ROBO2: variants seen among roughly 807,000 people sequenced by gnomAD.
The protein encoded by ROBO2 is roundabout homolog 2.
In ROBO2, 53 loss-of-function variants were observed where a neutral mutation model predicts 160.8. The ratio of observed to expected loss-of-function variants is 0.33; its 90% CI spans 0.26 to 0.41. The LOEUF (loss-of-function observed/expected upper bound fraction) is 0.41, where lower values mean the gene tolerates loss of function less well. Among genes scored for constraint, ROBO2 ranks in the 10% least tolerant of loss-of-function variants. The pLI, the probability that ROBO2 is intolerant of heterozygous loss-of-function variation, is 1.00. For synonymous variants in ROBO2, 664 were observed against 611.7 expected, an observed-to-expected ratio of 1.09 and a Z score of -1.26; for missense variants, 1,577 against 1,722.4, an observed-to-expected ratio of 0.92 and a Z score of 1.49.
At chr3:77,462,757 T>C (rs1317643613) in intron 2 of ROBO2, among the ~76,000 whole-genome samples, 4 of 92,086 alleles carry the variant, frequency 4.3e-5, no homozygotes, top group Non-Finnish European at 9.8e-5. Flanking sequence ...TTCTTTACTT[T>C]CCAGTATTTT....
intron 2 of ROBO2, among the ~76,000 whole-genome samples, chr3:76,729,312 G>A (rs2093598891): frequency 6.6e-6 from 1 of 151,746 alleles, no homozygotes; most frequent in Non-Finnish European, 1.5e-5. Context: ...CAAATTCTAG[G>A]ATATAGTAAT....
In ROBO2 at chr3:77,500,869, G is replaced by A. The variant is rs368777937; in HGVS notation, c.806+7487G>A. Among the ~76,000 whole-genome samples, 122 of 152,286 alleles carry A rather than the reference G, an allele frequency of 8.0e-4. 1 individual carries two copies. The South Asian group carries it at 0.025, about 31-fold the overall frequency. Reference sequence around the variant, plus strand: ...TCAGCTTAGGAACAATGCTGGAACTGGCATCCAATTTGGGTTCTGGCCAGT... The same window carrying A: ...TCAGCTTAGGAACAATGCTGGAACTAGCATCCAATTTGGGTTCTGGCCAGT... On this transcript the variant is annotated intron_variant, in intron 5 of 25. Coordinates refer to ENST00000461745, the Ensembl canonical transcript of ROBO2.
intron 24 of ROBO2, among the ~76,000 whole-genome samples, chr3:77,637,698 G>A (rs1583444477): frequency 6.6e-6 from 1 of 152,076 alleles, no homozygotes. Context: ...TGAATATTGT[G>A]GAGAGAGAAA....
intron 2 of ROBO2, among the ~76,000 whole-genome samples, chr3:76,146,300 C>T (rs1426579458): frequency 2.0e-5 from 3 of 152,004 alleles, no homozygotes; most frequent in African/African-American, 7.2e-5. Context: ...TCACAATTTC[C>T]ATCCCTTTTG....
At chr3:77,044,318 A>T (rs1333410681) in intron 1 of ROBO2, among the ~76,000 whole-genome samples, 1 of 152,190 alleles carries the variant, frequency 6.6e-6, no homozygotes, top group Non-Finnish European at 1.5e-5. Flanking sequence ...AAGGGAGCTG[A>T]TGTATGTGGG....
At chr3:77,578,350 T>C (rs765269172) in intron 15 of ROBO2, among the ~76,000 whole-genome samples, 1 of 152,102 alleles carries the variant, frequency 6.6e-6, no homozygotes, top group Non-Finnish European at 1.5e-5. Flanking sequence ...AATTCAAAAC[T>C]ATAATTTATT....
intron 2 of ROBO2, among the ~76,000 whole-genome samples, chr3:77,145,157 A>G (rs115698585): frequency 0.017 from 2,587 of 152,276 alleles, 82 homozygotes; most frequent in African/African-American, 0.06. Context: ...AGTGACTAGT[A>G]TAGTTTAGCT....
At chr3:77,570,735 A>G (rs901382575) in intron 13 of ROBO2, among the ~76,000 whole-genome samples, 2 of 152,016 alleles carry the variant, frequency 1.3e-5, no homozygotes, top group Non-Finnish European at 2.9e-5. Flanking sequence ...TACTAAATGC[A>G]TGTGTTATTT....
intron 2 of ROBO2, among the ~76,000 whole-genome samples, chr3:76,750,909 T>C (rs1010844444): frequency 7.2e-5 from 11 of 152,146 alleles, no homozygotes; most frequent in African/African-American, 2.7e-4. Flanking sequence ...CCCATCAAGC[T>C]ATCAATGACT....
chr3:77,570,219 G>C (rs2153667370), intron 13 of ROBO2, among the ~76,000 whole-genome samples: 2 of 152,092 alleles, frequency 1.3e-5, no homozygotes, highest in Middle Eastern at 6.8e-3. Flanking sequence ...AAGTCTTTGG[G>C]TAAGAATCAA....
chr3:77,380,371 C>T (rs1423373276), intron 2 of ROBO2, among the ~76,000 whole-genome samples: 1 of 152,090 alleles, frequency 6.6e-6, no homozygotes, highest in East Asian at 1.9e-4. Context: ...AGCCTATTAT[C>T]GTTCCTCTCT....
intron 2 of ROBO2, among the ~76,000 whole-genome samples, chr3:76,704,036 CTA>C (rs754368426): frequency 7.3e-5 from 11 of 150,542 alleles, no homozygotes; most frequent in Non-Finnish European, 1.5e-4. Context: ...GGCATCTTTT[CTA>C]TGTCTTTGTA....
At chr3:77,014,499 G>A (rs1213808828) in intron 2 of ROBO2, among the ~76,000 whole-genome samples, 1 of 152,152 alleles carries the variant, frequency 6.6e-6, no homozygotes, top group Non-Finnish European at 1.5e-5. Context: ...ATGTCACGCC[G>A]ATCCCAGCAG....
chr3:77,491,583 T>C (rs1396773806), intron 4 of ROBO2, among the ~76,000 whole-genome samples: 1 of 152,206 alleles, frequency 6.6e-6, no homozygotes, highest in Non-Finnish European at 1.5e-5. Context: ...GCACATAGTG[T>C]ACAGAGTTGA....
chr3:76,729,686 G>A (rs930964732), intron 2 of ROBO2, among the ~76,000 whole-genome samples: 1 of 145,630 alleles, frequency 6.9e-6, no homozygotes, highest in Non-Finnish European at 1.5e-5. Flanking sequence ...TGCCCAGGTT[G>A]GAGCACAGTG....
At position 76,640,915 on chromosome 3, in the gene ROBO2, C is replaced by T. The variant is rs563489535; in HGVS notation, c.110-457099C>T. 9.2e-5 allele frequency among the ~76,000 whole-genome samples: 14 copies of T among 152,170 alleles called. No individual in the cohort carries two copies. In the South Asian group the frequency reaches 1.5e-3, roughly 16 times the overall value. On this transcript the variant is annotated intron_variant, in intron 2 of 26. Transcript: ENST00000487694. ...GTGGCCAAAGCCAAGATCATTTGAG[C>T]GGCAAAATGAATACTACTGCTGGAT...
chr3:76,656,735 C>T (rs1030738030), intron 2 of ROBO2, among the ~76,000 whole-genome samples: 2 of 152,026 alleles, frequency 1.3e-5, no homozygotes, highest in African/African-American at 4.8e-5. Flanking sequence ...ATTATGGCAG[C>T]CTTGAACTTG....
chr3:76,181,286 G>A (rs541029532), intron 2 of ROBO2, among the ~76,000 whole-genome samples: 4 of 152,112 alleles, frequency 2.6e-5, no homozygotes, highest in Non-Finnish European at 5.9e-5. Flanking sequence ...AAATAAAGGA[G>A]TGTTCAGATT....
chr3:77,576,509 A>G (rs1377430281), intron 14 of ROBO2, among the ~76,000 whole-genome samples: 1 of 152,050 alleles, frequency 6.6e-6, no homozygotes, highest in East Asian at 1.9e-4. Context: ...AACTACCCCC[A>G]CCTTTGATTT....
Sources: allele counts gnomAD v4.1 joint callset (sites outside exome capture counted in the v4.1 genomes callset), GRCh38; gene constraint gnomAD v4.1.1; transcripts MANE v1.5; gene names NCBI Gene and HGNC (gene_info 2026-07-23, HGNC 2026-07-21).